Variants in TMEFF2 observed in about 807,000 individuals in gnomAD.
TMEFF2 encodes the protein transmembrane protein with EGF like and two follistatin like domains 2, also known as tomoregulin-2.
In TMEFF2, 28 loss-of-function variants were observed where a neutral mutation model predicts 53.8. The observed-to-expected ratio is 0.52, with a 90% CI of 0.39 to 0.71. The LOEUF is 0.71. TMEFF2 is among the 30% of genes least tolerant of loss of function. The pLI is 0.00. For missense variants in TMEFF2, 353 were observed against 455.2 expected (o/e 0.78, Z 2.04); for synonymous variants, 162 against 166.3 (o/e 0.97, Z 0.20).
Position 191,979,112 on chromosome 2 carries a change from G to A in TMEFF2, c.745+19150C>T, listed in dbSNP as rs146501893. 8.8e-4 allele frequency among the ~76,000 whole-genome samples: 134 copies of A among 152,280 alleles called. No individual in the cohort carries two copies. In the East Asian group the frequency reaches 0.025, roughly 28 times the overall value. On this transcript the variant is annotated intron_variant, in intron 7 of 9. Transcript: ENST00000272771. The stretch of plus-strand genomic sequence containing the variant: ...GATTTACCGGAGAAATGTTCCCAAA[G>A]TGACCGTCTTGTATATGGGCAATGA...
chr2:191,996,863 G>T (rs1473241481), intron 7 of TMEFF2, among the ~76,000 whole-genome samples: 1 of 151,884 alleles, frequency 6.6e-6, no homozygotes, highest in Admixed American at 6.6e-5. Flanking sequence ...ACAGGGCTGG[G>T]TTAGCCACGG....
intron 4 of TMEFF2, among the ~76,000 whole-genome samples, chr2:192,121,963 C>T (rs1412866136): frequency 1.3e-5 from 2 of 152,106 alleles, no homozygotes; most frequent in Non-Finnish European, 2.9e-5. Context: ...ATTAGGATTA[C>T]ATTTTAGTGT....
At chr2:192,087,578 G>A (rs1428209386) in intron 4 of TMEFF2, among the ~76,000 whole-genome samples, 2 of 152,118 alleles carry the variant, frequency 1.3e-5, no homozygotes, top group Non-Finnish European at 2.9e-5. Context: ...TTGGTTAAAT[G>A]TACCATGTCT....
intron 4 of TMEFF2, among the ~76,000 whole-genome samples, chr2:192,120,320 T>C (rs904010628): frequency 3.9e-5 from 6 of 152,216 alleles, no homozygotes; most frequent in African/African-American, 1.4e-4. Flanking sequence ...AAACTGTCTT[T>C]GGGTCTTATA....
At chr2:191,980,009 G>C (rs74610403) in intron 7 of TMEFF2, among the ~76,000 whole-genome samples, 2,262 of 152,154 alleles carry the variant, frequency 0.015, 45 homozygotes, top group African/African-American at 0.051. Flanking sequence ...ATGTAGTTTG[G>C]TTTCTAGAGA....
chr2:192,137,601 G>A (rs1690040508), intron 4 of TMEFF2, among the ~76,000 whole-genome samples: 1 of 151,948 alleles, frequency 6.6e-6, no homozygotes, highest in African/African-American at 2.4e-5. Context: ...GGCATAGGTG[G>A]TTGGTATCAT....
intron 5 of TMEFF2, chr2:192,035,176 G>A (rs943182085): frequency 6.6e-6 from 1 of 151,742 alleles, no homozygotes; most frequent in Non-Finnish European, 1.5e-5. Context: ...TCTTTTTTTT[G>A]TTTGTTTGTT....
chr2:192,013,313 T>C (rs1222180806), intron 5 of TMEFF2, among the ~76,000 whole-genome samples: 1 of 152,302 alleles, frequency 6.6e-6, no homozygotes, highest in East Asian at 1.9e-4. Flanking sequence ...CACCAGCACT[T>C]TTCACTTGCT....
intron 7 of TMEFF2, among the ~76,000 whole-genome samples, chr2:191,976,077 T>G (rs1334999363): frequency 6.6e-6 from 1 of 152,232 alleles, no homozygotes; most frequent in East Asian, 1.9e-4. Flanking sequence ...TCAAATAGTT[T>G]GGTAATTGAC....
At chr2:192,074,909 T>A (rs1688372103) in intron 4 of TMEFF2, among the ~76,000 whole-genome samples, 1 of 151,856 alleles carries the variant, frequency 6.6e-6, no homozygotes, top group Non-Finnish European at 1.5e-5. Context: ...GGAGAGAATA[T>A]CTTACTATGA....
chr2:192,168,444 G>A (rs1325694937), intron 4 of TMEFF2, among the ~76,000 whole-genome samples: 1 of 152,064 alleles, frequency 6.6e-6, no homozygotes, highest in Non-Finnish European at 1.5e-5. Flanking sequence ...TAATTTGGAT[G>A]TGGAATAGAG....
At chr2:192,171,597 G>C (rs1690915091) in intron 4 of TMEFF2, among the ~76,000 whole-genome samples, 1 of 151,874 alleles carries the variant, frequency 6.6e-6, no homozygotes, top group Non-Finnish European at 1.5e-5. Flanking sequence ...ACTCATTTTA[G>C]CCCAACTAAC....
chr2:191,992,438 T>C (rs1395098230), intron 7 of TMEFF2, among the ~76,000 whole-genome samples: 2 of 152,038 alleles, frequency 1.3e-5, no homozygotes, highest in Non-Finnish European at 2.9e-5. Context: ...AAGGCAAATA[T>C]TAGGTAAATC....
chr2:192,078,627 G>T (rs1435765694), intron 4 of TMEFF2, among the ~76,000 whole-genome samples: 1 of 152,092 alleles, frequency 6.6e-6, no homozygotes, highest in African/African-American at 2.4e-5. Context: ...TTCAGGCAAA[G>T]GACCCTGATT....
chr2:192,039,809 G>C lies in TMEFF2; in HGVS notation c.536+17870C>G, dbSNP rs141406917. Among the ~76,000 whole-genome samples, 145 of 152,242 alleles carry C rather than the reference G, an allele frequency of 9.5e-4. 1 individual carries two copies. The highest frequency in any genetic ancestry group is 3.3e-3 in the African/African-American group (136 of 41,550). On this transcript the variant is annotated intron_variant, in intron 5 of 9. Transcript: ENST00000272771. The stretch of plus-strand genomic sequence containing the variant: ...ATTATAATTTTAAAGATTCACATTA[G>C]ATATTTTAGAGATGCTTCCTAATCT...
At chr2:192,045,660 TC>T (rs1687600867) in intron 5 of TMEFF2, among the ~76,000 whole-genome samples, 1 of 152,026 alleles carries the variant, frequency 6.6e-6, no homozygotes, top group Non-Finnish European at 1.5e-5. Flanking sequence ...CGACATAGAC[TC>T]CTACTCACCA....
chr2:192,184,335 A>G lies in TMEFF2; in HGVS notation c.412+19T>C, dbSNP rs114786185. On this transcript the variant is annotated intron_variant, in intron 3 of 9. Transcript: ENST00000272771. ...TTTGGAATCCATGCAGAAGGTTTCA[A>G]AGAAGATCACACACATACCTGTGGC... 6.2e-7 allele frequency: 1 copy of G among 1,611,996 alleles called. No homozygotes were observed. The highest frequency in any genetic ancestry group is 1.1e-5 in the South Asian group (1 of 90,798).
chr2:191,969,018 A>G (rs1361904277), intron 7 of TMEFF2, among the ~76,000 whole-genome samples: 1 of 152,078 alleles, frequency 6.6e-6, no homozygotes, highest in African/African-American at 2.4e-5. Context: ...GGCACATAAG[A>G]AAGTTTTGCA....
At chr2:191,964,372 C>CTTTCTT (rs1324161895) in intron 7 of TMEFF2, among the ~76,000 whole-genome samples, 42 of 77,654 alleles carry the variant, frequency 5.4e-4, no homozygotes, top group African/African-American at 8.6e-4. Context: ...TTCTTTCTTT[C>CTTTCTT]TCTTTCTTTC....
Sources: allele counts gnomAD v4.1 joint callset (sites outside exome capture counted in the v4.1 genomes callset), GRCh38; gene constraint gnomAD v4.1.1; transcripts MANE v1.5; gene names NCBI Gene and HGNC (gene_info 2026-07-23, HGNC 2026-07-21).